Variants in ZSWIM6 observed in about 807,000 individuals in gnomAD.
ZSWIM6 encodes the protein zinc finger SWIM-type containing 6.
ZSWIM6 carries 9 observed loss-of-function variants against 113.2 expected under a neutral mutation model. That is an observed-to-expected ratio of 0.08 (90% CI 0.05 to 0.14). The LOEUF (loss-of-function observed/expected upper bound fraction) is 0.14, where lower values mean the gene tolerates loss of function less well. ZSWIM6 is among the 10% of genes least tolerant of loss of function. The pLI is 1.00. For missense variants in ZSWIM6, 1,162 were observed against 1,552.2 expected, an observed-to-expected ratio of 0.75 and a Z score of 4.22; for synonymous variants, 611 against 606.5, an observed-to-expected ratio of 1.01 and a Z score of -0.11.
chr5:61,488,654 G>T (rs182547340), intron 2 of ZSWIM6, among the ~76,000 whole-genome samples: 1 of 152,020 alleles, frequency 6.6e-6, no homozygotes, highest in African/African-American at 2.4e-5. Flanking sequence ...CAATTTTAAT[G>T]TCTCTGTTTT....
chr5:61,452,041 G>C (rs1217481733), intron 1 of ZSWIM6, among the ~76,000 whole-genome samples: 1 of 152,122 alleles, frequency 6.6e-6, no homozygotes, highest in African/African-American at 2.4e-5. Context: ...TACTCTTGGA[G>C]CCTTTTGTGT....
intron 1 of ZSWIM6, among the ~76,000 whole-genome samples, chr5:61,422,225 T>C: frequency 6.6e-6 from 1 of 152,208 alleles, no homozygotes; most frequent in East Asian, 1.9e-4. Flanking sequence ...GTTTAATCCA[T>C]TTTGATCTGA....
intron 1 of ZSWIM6, among the ~76,000 whole-genome samples, chr5:61,422,438 T>C (rs1210148707): frequency 2.6e-5 from 4 of 152,230 alleles, no homozygotes; most frequent in African/African-American, 9.6e-5. Context: ...TCTATTTTTA[T>C]GCTGGCACTG....
At chr5:61,512,928 C>G (rs1247586369) in intron 4 of ZSWIM6, among the ~76,000 whole-genome samples, 2 of 151,836 alleles carry the variant, frequency 1.3e-5, no homozygotes, top group African/African-American at 4.8e-5. Context: ...ATCAATATCC[C>G]CCACCAGAGT....
chr5:61,335,807 G>T (rs1469849861), intron 1 of ZSWIM6, among the ~76,000 whole-genome samples: 1 of 152,092 alleles, frequency 6.6e-6, no homozygotes, highest in Non-Finnish European at 1.5e-5. Context: ...AAACCTATTG[G>T]TAGTTACTGT....
At chr5:61,417,202 T>C (rs1293676908) in intron 1 of ZSWIM6, among the ~76,000 whole-genome samples, 1 of 152,008 alleles carries the variant, frequency 6.6e-6, no homozygotes, top group East Asian at 1.9e-4. Flanking sequence ...CTAATGGAAA[T>C]TAGGTTGGAA....
At chr5:61,431,766 CAAAA>C (rs1234357945) in intron 1 of ZSWIM6, among the ~76,000 whole-genome samples, 1 of 151,758 alleles carries the variant, frequency 6.6e-6, no homozygotes, top group African/African-American at 2.4e-5. Context: ...AACAAAAAAA[CAAAA>C]AAAACTTTGA....
intron 1 of ZSWIM6, among the ~76,000 whole-genome samples, chr5:61,394,237 T>A (rs1176175355): frequency 6.6e-6 from 1 of 152,238 alleles, no homozygotes; most frequent in African/African-American, 2.4e-5. Context: ...TAGTGCAGTG[T>A]CTGCCTCCTC....
At chr5:61,467,994 C>T (rs1044311312) in intron 1 of ZSWIM6, among the ~76,000 whole-genome samples, 1 of 152,150 alleles carries the variant, frequency 6.6e-6, no homozygotes, top group Non-Finnish European at 1.5e-5. Context: ...CACACCCCTC[C>T]CCTGTTTCTC....
chr5:61,471,922 G>A (rs867390887), intron 1 of ZSWIM6, among the ~76,000 whole-genome samples: 19 of 128,840 alleles, frequency 1.5e-4, no homozygotes, highest in African/African-American at 4.6e-4. Context: ...ACTTTGTACC[G>A]TGTATTTGTG....
At chr5:61,520,803 G>A (rs1438693729) in intron 4 of ZSWIM6, among the ~76,000 whole-genome samples, 1 of 152,006 alleles carries the variant, frequency 6.6e-6, no homozygotes, top group African/African-American at 2.4e-5. Flanking sequence ...TTCAATTTTT[G>A]TGCAGAACCA....
intron 1 of ZSWIM6, among the ~76,000 whole-genome samples, chr5:61,454,122 A>C (rs950970576): frequency 7.9e-5 from 12 of 151,794 alleles, no homozygotes; most frequent in African/African-American, 2.7e-4. Flanking sequence ...TTATTCTTTG[A>C]GTTGTAATCT....
At chr5:61,444,135 C>T (rs1337551150) in intron 1 of ZSWIM6, among the ~76,000 whole-genome samples, 1 of 123,874 alleles carries the variant, frequency 8.1e-6, no homozygotes, top group Non-Finnish European at 1.6e-5. Context: ...ATGTGATGTT[C>T]CCCTTCCTGT....
chr5:61,353,004 T>G (rs1359435904), intron 1 of ZSWIM6, among the ~76,000 whole-genome samples: 2 of 152,204 alleles, frequency 1.3e-5, no homozygotes, highest in Admixed American at 6.5e-5. Context: ...ATAGCAAGTC[T>G]GCCTGAACTT....
intron 1 of ZSWIM6, among the ~76,000 whole-genome samples, chr5:61,386,328 C>G (rs2112086627): frequency 6.6e-6 from 1 of 152,290 alleles, no homozygotes; most frequent in Middle Eastern, 3.4e-3. Context: ...TTTTTTCTCT[C>G]TCTGTTTAAG....
At chr5:61,519,403 G>T (rs1171474182) in intron 4 of ZSWIM6, among the ~76,000 whole-genome samples, 2 of 152,024 alleles carry the variant, frequency 1.3e-5, no homozygotes, top group Non-Finnish European at 1.5e-5. Flanking sequence ...CCTGGATGGG[G>T]CTAATTTTAT....
intron 1 of ZSWIM6, among the ~76,000 whole-genome samples, chr5:61,377,049 A>G (rs1579962136): frequency 1.3e-5 from 2 of 152,156 alleles, no homozygotes; most frequent in East Asian, 1.9e-4. Context: ...ATATTAAAGG[A>G]TAGTAAGCTA....
At position 61,544,103 on chromosome 5, in the gene ZSWIM6, C is replaced by T; in HGVS notation, c.3434C>T (p.Thr1145Met). ...KAPLRQLLDA[T>M]IGAYINTTHS... ...CCCTTGAGGCAACTCTTGGATGCCA[C>T]GATCGGGGCCTACATCAACACAACG... Residue 1145 changes from threonine to methionine, a missense_variant, in exon 14 of 14, where the codon ACG (threonine) becomes ATG (methionine). Coordinates refer to ENST00000252744, the MANE Select transcript of ZSWIM6 (RefSeq NM_020928.2). 6.4e-7 allele frequency: 1 copy of T among 1,551,852 alleles called. No homozygotes were observed. Among genetic ancestry groups the T allele is most frequent in the Non-Finnish European group, 8.7e-7 (1 of 1,147,026 alleles).
intron 1 of ZSWIM6, among the ~76,000 whole-genome samples, chr5:61,333,152 C>T (rs1025361593): frequency 2.6e-5 from 4 of 151,862 alleles, no homozygotes; most frequent in Non-Finnish European, 5.9e-5. Context: ...CCGGACGGGC[C>T]AGCGCGAGTG....
Sources: gnomAD v4.1 joint callset for allele counts (sites outside exome capture counted in the v4.1 genomes callset) on GRCh38, gnomAD v4.1.1 for gene constraint, MANE v1.5 for transcripts, NCBI Gene and HGNC (gene_info 2026-07-23, HGNC 2026-07-21) for gene names.